TTN: variants seen among roughly 807,000 people sequenced by gnomAD.
The protein encoded by TTN is connectin.
Under a neutral mutation model 3,223.0 loss-of-function variants are expected in TTN, and 1,525 were observed. The observed-to-expected ratio is 0.47, with a 90% confidence interval of 0.45 to 0.49. TTN has a LOEUF of 0.49. Ranked by LOEUF, TTN falls within the 20% of genes least tolerant of loss-of-function variation. The probability of loss-of-function intolerance (pLI) is 0.00; values close to 1 mark genes in which losing one functional copy is unlikely to be tolerated. For missense variants in TTN, 40,786 were observed against 43,424.0 expected (o/e 0.94, Z 5.40); for synonymous variants, 14,094 against 15,161.0 (o/e 0.93, Z 5.17).
chr2:178,568,126 A>C lies in TTN; in HGVS notation c.78006T>G (p.Ile26002Met). The C allele has an allele frequency of 1.9e-6, 3 of 1,613,432 alleles. No homozygotes were observed. The highest frequency in any genetic ancestry group is 2.5e-6 in the Non-Finnish European group (3 of 1,179,586). The change falls in exon 326 of 363, where the codon ATT becomes ATG. Residue 26002 changes from isoleucine to methionine, a missense_variant. Ile to Met is a conservative substitution (Grantham distance 10). Transcript: ENST00000589042. ...ACTGTATGACCATGGAGTCTTTGGA[A>C]ATGGCTGTGGCAAATGGTGTACCTG... ...GPPGTPFATA[I>M]SKDSMVIQWH...
In TTN at chr2:178,730,701, C is replaced by T. The variant is rs1476430035; in HGVS notation, c.17832G>A (p.Gly5944=). The change falls in exon 61 of 363, where the codon GGG becomes GGA. Residue 5944 remains glycine (G), a synonymous_variant. Transcript: ENST00000589042. ...SFIDLECIVA[G]SHPISIQWFK... ...ACCACTGGATGCTTATGGGATGTGA[C>T]CCAGCCACTATACATTCTAAATCAA... 1 of 1,613,486 alleles carries T rather than the reference C, an allele frequency of 6.2e-7. No homozygotes were observed. Among genetic ancestry groups the T allele is most frequent in the African/African-American group, 1.3e-5 (1 of 74,880 alleles).
At position 178,539,019 on chromosome 2, in the gene TTN, G is replaced by A. The variant is rs1205685262; in HGVS notation, c.98916C>T (p.Ile32972=). ...TCAGGCCAACATCATTCTGTGCGAT[G>A]ATGCGGAACTGATACTCAGCATCGG... The part of the protein sequence containing the change: ...LVPDAEYQFR[I]IAQNDVGLSE... Residue 32972 remains isoleucine (I), a synonymous_variant, in exon 353 of 363, where the codon ATC becomes ATT. Coordinates refer to ENST00000589042, the MANE Select transcript of TTN (RefSeq NM_001267550.2). 2 of 1,613,786 alleles carry A rather than the reference G, an allele frequency of 1.2e-6. No individual in the cohort carries two copies. The highest frequency in any genetic ancestry group is 3.3e-5 in the Admixed American group (2 of 60,006).
At chr2:178,665,307 G>A in intron 165 of TTN, 70 bp downstream of exon 165, 1 of 1,388,510 alleles carries the variant, frequency 7.2e-7, no homozygotes, top group Admixed American at 1.7e-5. Context: ...AGAGTATTAG[G>A]AAGAAACCAT....
chr2:178,764,393 C>T (rs2089984932), intron 42 of TTN, 91 bp from the exon 43 acceptor site: 3 of 1,611,112 alleles, frequency 1.9e-6, no homozygotes, highest in Non-Finnish European at 8.5e-7. Context: ...ATTTATTTCA[C>T]TGCAGAGTGC....
Position 178,569,637 on chromosome 2 carries a change from T to G in TTN, c.76495A>C (p.Ile25499Leu). ...VGEHADVPGP[I>L]IVEEKLEAPD... The stretch of plus-strand genomic sequence containing the variant: ...GCTTCTAATTTTTCTTCAACTATAA[T>G]AGGTCCAGGGACGTCAGCATGTTCT... The change falls in exon 326 of 363, where the codon ATT becomes CTT. Residue 25499 changes from isoleucine (I) to leucine (L), a missense_variant. Transcript: ENST00000589042. 1 of 1,612,020 alleles carries G rather than the reference T, an allele frequency of 6.2e-7. No individual in the cohort carries two copies. The highest frequency in any genetic ancestry group is 8.5e-7 in the Non-Finnish European group (1 of 1,178,960).
intron 47 of TTN, chr2:178,745,370 A>T (rs1574147149): frequency 7.1e-7 from 1 of 1,406,530 alleles, no homozygotes; most frequent in South Asian, 1.5e-5. Flanking sequence ...AGCATGATTG[A>T]CACAAGTGAT....
chr2:178,558,524 C>A lies in TTN; in HGVS notation c.86935G>T (p.Val28979Phe). 6.2e-7 allele frequency: 1 copy of A among 1,613,778 alleles called. No homozygotes were observed. Among genetic ancestry groups the A allele is most frequent in the Non-Finnish European group, 8.5e-7 (1 of 1,179,806 alleles). The change falls in exon 327 of 363, where the codon GTT becomes TTT. Residue 28979 changes from valine to phenylalanine, a missense_variant. By Grantham distance (50) the Val-to-Phe change is conservative (BLOSUM62 -1). Transcript: ENST00000589042. ...DGGSRIVHYV[V>F]EALEKGQKNW... ...TTCTGTCCTTTTTCTAGTGCTTCAA[C>A]GACATAGTGTACAATTCTGCTTCCG... is the stretch of plus-strand genomic sequence containing the variant.
chr2:178,576,935 C>T lies in TTN; in HGVS notation c.69400G>A (p.Val23134Ile), dbSNP rs1373489781. 1.2e-6 allele frequency: 2 copies of T among 1,610,812 alleles called. No individual in the cohort carries two copies. The highest frequency in any genetic ancestry group is 1.7e-6 in the Non-Finnish European group (2 of 1,178,158). The change falls in exon 324 of 363, where the codon GTA becomes ATA. Residue 23134 changes from valine to isoleucine, a missense_variant. By Grantham distance (29) the Val-to-Ile change is conservative. Coordinates refer to ENST00000589042, the MANE Select transcript of TTN (RefSeq NM_001267550.2). The surrounding 1 kb of genome is among the most constrained non-coding windows in gnomAD (Gnocchi z 4.3). ...ATGCTCTACATACCAAATCTGTCTACCATTTTGACAGGTTCAGACTGTACA... is the reference window on the plus strand; with the variant it reads ...ATGCTCTACATACCAAATCTGTCTATCATTTTGACAGGTTCAGACTGTACA... Reference protein sequence around the residue: ...EPVQSEPVKMVDRFGPPGPPE... With the variant: ...EPVQSEPVKMIDRFGPPGPPE...
intron 250 of TTN, chr2:178,619,394 C>A: frequency 7.0e-6 from 4 of 568,082 alleles, no homozygotes; most frequent in Non-Finnish European, 1.2e-5. Flanking sequence ...AAATAGTCAT[C>A]ATGTACTAGC....
chr2:178,796,592 C>A (rs1230637429), intron 6 of TTN, among the ~76,000 whole-genome samples: 10 of 152,052 alleles, frequency 6.6e-5, no homozygotes, highest in Non-Finnish European at 1.5e-4. Flanking sequence ...AACATGACTG[C>A]CTTTGAAATA....
At position 178,743,386 on chromosome 2, in the gene TTN, A is replaced by G. The variant is rs376550763; in HGVS notation, c.11312-1465T>C. On this transcript the variant is annotated intron_variant, in intron 47 of 362. Transcript: ENST00000589042. ...TTATGTTACGTGCCATTGAGTCAGA[A>G]AATAAAAAATTCCATTTCATTATCT... Among the ~76,000 whole-genome samples the G allele has an allele frequency of 2.0e-5, 3 of 152,070 alleles. No individual in the cohort carries two copies. In the East Asian group the frequency reaches 5.8e-4, roughly 29 times the overall value.
rs2082489145 is a variant in TTN at position 178,741,582 on chromosome 2, A to C, written c.11651T>G (p.Leu3884Trp). The C allele has an allele frequency of 6.2e-7, 1 of 1,613,828 alleles. No individual in the cohort carries two copies. Among genetic ancestry groups the C allele is most frequent in the Non-Finnish European group, 8.5e-7 (1 of 1,179,810 alleles). Residue 3884 changes from leucine (L) to tryptophan (W), a missense_variant, in exon 48 of 363, where the codon TTG becomes TGG. By Grantham distance (61) the Leu-to-Trp change is moderately conservative. Transcript: ENST00000589042. ...ACATGTATACTCTCCCTCATCCTCC[A>C]ATTTGGTGAACAGAATGATCAGGCT... is the stretch of plus-strand genomic sequence containing the variant. The part of the protein sequence containing the change: ...DHSLIILFTK[L>W]EDEGEYTCMA...
Position 178,557,331 on chromosome 2 carries a change from T to A in TTN, c.87931A>T (p.Arg29311Trp), listed in dbSNP as rs1245349093. ...CCAGCAGCATTTTCTGCATACACCC[T>A]GAATTCATAAATAAGTCCAGCACTG... ...TISAGLIYEF[R>W]VYAENAAGVG... Residue 29311 changes from arginine to tryptophan, a missense_variant, in exon 329 of 363, where the codon AGG (arginine) becomes TGG (tryptophan). Physicochemically the swap from Arg to Trp is moderately radical, Grantham distance 101. Transcript: ENST00000589042. 1 of 1,614,006 alleles carries A rather than the reference T, an allele frequency of 6.2e-7. No individual in the cohort carries two copies. Among genetic ancestry groups the A allele is most frequent in the Non-Finnish European group, 8.5e-7 (1 of 1,179,862 alleles).
At position 178,531,706 on chromosome 2, in the gene TTN, G is replaced by A; in HGVS notation, c.104909C>T (p.Thr34970Ile). Residue 34970 changes from threonine (T) to isoleucine (I), a missense_variant, in exon 358 of 363, where the codon ACT (threonine) becomes ATT (isoleucine). Transcript: ENST00000589042. Reference protein sequence around the residue: ...RFILNVQSKPTAEVKWYHNGV... With the variant: ...RFILNVQSKPIAEVKWYHNGV... ...ATTGTGGTACCATTTAACCTCGGCAGTTGGCTTAGACTGAACATTTAAAAT... is the reference window on the plus strand; with the variant it reads ...ATTGTGGTACCATTTAACCTCGGCAATTGGCTTAGACTGAACATTTAAAAT... 6.2e-7 allele frequency: 1 copy of A among 1,614,014 alleles called. No homozygotes were observed. Among genetic ancestry groups the A allele is most frequent in the Non-Finnish European group, 8.5e-7 (1 of 1,179,882 alleles).
chr2:178,677,439 A>G (rs542004258), intron 146 of TTN, 152 bp from the exon 147 acceptor site: 1 of 699,870 alleles, frequency 1.4e-6, no homozygotes, highest in Admixed American at 3.6e-5. Context: ...ATAATTTACA[A>G]TAGACAGATA....
intron 154 of TTN, 59 bp from the exon 155 acceptor site, chr2:178,672,326 CA>C: frequency 1.2e-6 from 2 of 1,601,262 alleles, no homozygotes; most frequent in Non-Finnish European, 1.7e-6. Context: ...TAAAGATGTA[CA>C]TTCAAAATAT....
At position 178,718,458 on chromosome 2, in the gene TTN, T is replaced by C. The variant is rs370814621; in HGVS notation, c.24648A>G (p.Arg8216=). ...KDEYLISQSE[R]CSITMTEKST... is the part of the protein sequence containing the mutation. ...ATTTTTCTGTCATAGTAATACTGCA[T>C]CTCTCAGATTGTGAAATAAGATACT... The change falls in exon 85 of 363, where the codon AGA becomes AGG. Residue 8216 remains arginine (R), a synonymous_variant. Coordinates refer to ENST00000589042, the MANE Select transcript of TTN (RefSeq NM_001267550.2). 1.4e-5 allele frequency: 22 copies of C among 1,613,664 alleles called. No homozygotes were observed. The highest frequency in any genetic ancestry group is 1.9e-5 in the Non-Finnish European group (22 of 1,179,764).
At chr2:178,612,187 A>T in intron 266 of TTN, 25 bp from the exon 267 acceptor site, 1 of 1,605,714 alleles carries the variant, frequency 6.2e-7, no homozygotes, top group Non-Finnish European at 8.5e-7. Flanking sequence ...AACAATGATT[A>T]GGAAAACCAG....
At position 178,577,738 on chromosome 2, in the gene TTN, G is replaced by A. The variant is rs886042756; in HGVS notation, c.68688C>T (p.Val22896=). Residue 22896 remains valine (V), a synonymous_variant, in exon 323 of 363, where the codon GTC becomes GTT. Coordinates refer to ENST00000589042, the MANE Select transcript of TTN (RefSeq NM_001267550.2). The part of the protein sequence containing the change: ...KSWMKANHVN[V]PECAFTVTDL... The stretch of plus-strand genomic sequence containing the variant: ...CAGTTACAGTAAAGGCACATTCTGG[G>A]ACATTAACATGGTTGGCTTTCATCC... 6.2e-7 allele frequency: 1 copy of A among 1,613,200 alleles called. No individual in the cohort carries two copies. Among genetic ancestry groups the A allele is most frequent in the Non-Finnish European group, 8.5e-7 (1 of 1,179,578 alleles).
Sources: allele counts gnomAD v4.1 joint callset (sites outside exome capture counted in the v4.1 genomes callset), GRCh38; gene constraint gnomAD v4.1.1; non-coding constraint Gnocchi (gnomAD v3.1); transcripts MANE v1.5; gene names NCBI Gene and HGNC (gene_info 2026-07-23, HGNC 2026-07-21).